SPAG16: variants seen among roughly 807,000 people sequenced by gnomAD.
SPAG16 encodes the protein sperm-associated antigen 16 protein.
Under a neutral mutation model 80.4 loss-of-function variants are expected in SPAG16, and 86 were observed. That is an observed-to-expected ratio of 1.07 (90% CI 0.90 to 1.28). The LOEUF is 1.28. Ranked by LOEUF, SPAG16 falls within the 50% of genes most tolerant of loss-of-function variation. The probability of loss-of-function intolerance (pLI) is 0.00; values close to 1 mark genes in which losing one functional copy is unlikely to be tolerated. For missense variants in SPAG16, 870 were observed against 765.3 expected (o/e 1.14, Z -1.61); for synonymous variants, 294 against 265.9 (o/e 1.11, Z -1.03).
chr2:213,627,304 C>CA (rs1287662920), intron 10 of SPAG16, among the ~76,000 whole-genome samples: 7 of 152,128 alleles, frequency 4.6e-5, no homozygotes, highest in African/African-American at 1.7e-4. Flanking sequence ...TTACAATCAG[C>CA]CTATGTGACT....
chr2:213,589,055 G>T (rs1388905810), intron 10 of SPAG16, among the ~76,000 whole-genome samples: 1 of 151,880 alleles, frequency 6.6e-6, no homozygotes, highest in Admixed American at 6.6e-5. Context: ...TTATTTATTA[G>T]GTTTTACAAA....
chr2:214,197,911 A>T (rs2057892501), intron 15 of SPAG16, among the ~76,000 whole-genome samples: 1 of 151,896 alleles, frequency 6.6e-6, no homozygotes, highest in African/African-American at 2.4e-5. Flanking sequence ...CACTCTTTTT[A>T]TCAGTAAAAG....
chr2:214,317,354 C>T (rs1326811725), intron 15 of SPAG16, among the ~76,000 whole-genome samples: 1 of 152,206 alleles, frequency 6.6e-6, no homozygotes. Context: ...TGAGCACATA[C>T]TCCATTGAAA....
intron 11 of SPAG16, among the ~76,000 whole-genome samples, chr2:213,882,640 G>A (rs888421803): frequency 6.6e-6 from 1 of 152,136 alleles, no homozygotes; most frequent in Non-Finnish European, 1.5e-5. Context: ...TGTGGGATCA[G>A]TTGTAATCTC....
chr2:213,671,816 A>G lies in SPAG16; in HGVS notation c.1070+181726A>G, dbSNP rs532084065. Among the ~76,000 whole-genome samples the G allele has an allele frequency of 2.0e-5, 3 of 152,312 alleles. No homozygotes were observed. The East Asian group carries it at 5.8e-4, about 29-fold the overall frequency. ...TCAGACAGTCTGTGAGCTGAAGAAG[A>G]CAGTTTGATGTCATCTCCAGGATAT... On this transcript the variant is annotated intron_variant, in intron 10 of 15. Transcript: ENST00000331683.
chr2:213,294,438 A>G (rs1469437642), intron 1 of SPAG16, among the ~76,000 whole-genome samples: 2 of 152,252 alleles, frequency 1.3e-5, no homozygotes, highest in African/African-American at 4.8e-5. Context: ...TAGATAATTA[A>G]TAAAGGAGGT....
At chr2:214,184,718 G>C (rs2057415072) in intron 15 of SPAG16, among the ~76,000 whole-genome samples, 1 of 152,056 alleles carries the variant, frequency 6.6e-6, no homozygotes, top group Non-Finnish European at 1.5e-5. Context: ...GCACATGGCT[G>C]ACTGATCTCA....
At position 214,106,732 on chromosome 2, in the gene SPAG16, G is replaced by T. The variant is rs938517183; in HGVS notation, c.1528-1464G>T. On this transcript the variant is annotated intron_variant, in intron 13 of 15. Coordinates refer to ENST00000331683, the MANE Select transcript of SPAG16 (RefSeq NM_024532.5). ...TCTCTCCCAGCCTTCAAAGATTTAAGGTTAAATAAATACAAGGTAGTGAAT... is the reference window on the plus strand; with the variant it reads ...TCTCTCCCAGCCTTCAAAGATTTAATGTTAAATAAATACAAGGTAGTGAAT... 5.3e-5 allele frequency among the ~76,000 whole-genome samples: 8 copies of T among 152,046 alleles called. 1 individual carries two copies. Among genetic ancestry groups the T allele is most frequent in the Admixed American group, 3.9e-4 (6 of 15,246 alleles).
Position 214,309,665 on chromosome 2 carries a change from A to C in SPAG16, c.1721-100475A>C, listed in dbSNP as rs148468562. ...CATTTCTGGGAGATTTTAGGGGGCCAACACTCAGCTCTCAACCTTTGGACT... is the reference window on the plus strand; with the variant it reads ...CATTTCTGGGAGATTTTAGGGGGCCCACACTCAGCTCTCAACCTTTGGACT... On this transcript the variant is annotated intron_variant, in intron 15 of 15. Transcript: ENST00000331683. Among the ~76,000 whole-genome samples, 766 of 152,234 alleles carry C rather than the reference A, an allele frequency of 5.0e-3. 4 individuals are homozygous for C. Among genetic ancestry groups the C allele is most frequent in the African/African-American group, 0.018 (733 of 41,540 alleles).
At chr2:213,971,157 A>G (rs1416186695) in intron 12 of SPAG16, among the ~76,000 whole-genome samples, 1 of 152,186 alleles carries the variant, frequency 6.6e-6, no homozygotes, top group Non-Finnish European at 1.5e-5. Flanking sequence ...TATGTTTAAT[A>G]CATTTCAAAA....
chr2:213,594,535 C>T (rs1170548992), intron 10 of SPAG16, among the ~76,000 whole-genome samples: 2 of 152,110 alleles, frequency 1.3e-5, no homozygotes, highest in East Asian at 3.9e-4. Context: ...TCTTTTTTCT[C>T]TTTCTATACC....
chr2:214,140,158 C>T (rs1436997602), intron 14 of SPAG16, among the ~76,000 whole-genome samples: 2 of 152,092 alleles, frequency 1.3e-5, no homozygotes, highest in African/African-American at 4.8e-5. Context: ...CTCATGGGCT[C>T]AGAATAAATC....
At chr2:213,293,224 C>T (rs1057008130) in intron 1 of SPAG16, among the ~76,000 whole-genome samples, 2 of 152,160 alleles carry the variant, frequency 1.3e-5, no homozygotes, top group Non-Finnish European at 2.9e-5. Flanking sequence ...TGTAAGTTTC[C>T]TGAGGTATCC....
rs187900616 is a variant in SPAG16, at chr2:213,350,910, G to A, written c.762+265G>A. On this transcript the variant is annotated intron_variant, in intron 7 of 15. Coordinates refer to ENST00000331683, the MANE Select transcript of SPAG16 (RefSeq NM_024532.5). ...AGACCAAGGTAGGTGGATCATTTGC[G>A]GCCAGGAGTTTGAGACCAGCCTGGC... is the stretch of plus-strand genomic sequence containing the variant. Among the ~76,000 whole-genome samples, 173 of 151,968 alleles carry A rather than the reference G, an allele frequency of 1.1e-3. 2 individuals carry two copies. Among genetic ancestry groups the A allele is most frequent in the African/African-American group, 3.6e-3 (151 of 41,456 alleles).
chr2:214,020,028 T>G (rs1000320043), intron 13 of SPAG16, among the ~76,000 whole-genome samples: 3 of 152,182 alleles, frequency 2.0e-5, no homozygotes, highest in African/African-American at 7.2e-5. Context: ...GAATATGTAA[T>G]TTGTGCCATC....
intron 12 of SPAG16, among the ~76,000 whole-genome samples, chr2:213,960,919 T>C (rs144911152): frequency 6.6e-6 from 1 of 152,292 alleles, no homozygotes; most frequent in Non-Finnish European, 1.5e-5. Flanking sequence ...CAGCAATCAG[T>C]AATCAGAGCA....
At chr2:213,526,102 T>C (rs961656518) in intron 10 of SPAG16, among the ~76,000 whole-genome samples, 2 of 152,182 alleles carry the variant, frequency 1.3e-5, no homozygotes, top group African/African-American at 2.4e-5. Context: ...TTTCTTAATA[T>C]CGGTATCTTA....
chr2:213,284,655 G>C (rs1486049574), intron 1 of SPAG16, 36 bp downstream of exon 1: 1 of 1,594,312 alleles, frequency 6.3e-7, no homozygotes, highest in Non-Finnish European at 8.5e-7. Context: ...CGCTGCGCTG[G>C]CGGGTAATGG....
chr2:214,089,106 G>A (rs1026708334), intron 13 of SPAG16, among the ~76,000 whole-genome samples: 1 of 152,034 alleles, frequency 6.6e-6, no homozygotes, highest in Non-Finnish European at 1.5e-5. Flanking sequence ...CACTTCGACT[G>A]TAGAGTCCTT....
Sources: allele counts gnomAD v4.1 joint callset (sites outside exome capture counted in the v4.1 genomes callset), GRCh38; gene constraint gnomAD v4.1.1; transcripts MANE v1.5; gene names NCBI Gene and HGNC (gene_info 2026-07-23, HGNC 2026-07-21).